OSBPL3: variants seen among roughly 807,000 people sequenced by gnomAD.
OSBPL3 encodes the protein oxysterol-binding protein-related protein 3.
OSBPL3 carries 65 observed loss-of-function variants against 120.1 expected under a neutral mutation model. The ratio of observed to expected loss-of-function variants is 0.54; its 90% CI spans 0.44 to 0.67. The LOEUF (loss-of-function observed/expected upper bound fraction) is 0.67, where lower values mean the gene tolerates loss of function less well. Among genes scored for constraint, OSBPL3 ranks in the 30% least tolerant of loss-of-function variants. The pLI is 0.00. For synonymous variants in OSBPL3, 416 were observed against 402.6 expected, an observed-to-expected ratio of 1.03 and a Z score of -0.40; for missense variants, 1,004 against 1,082.1, an observed-to-expected ratio of 0.93 and a Z score of 1.01.
chr7:24,935,315 G>A (rs1812278613), intron 1 of OSBPL3, among the ~76,000 whole-genome samples: 1 of 152,152 alleles, frequency 6.6e-6, no homozygotes, highest in African/African-American at 2.4e-5. Context: ...ACTACAATTA[G>A]GCTACACAGT....
intron 2 of OSBPL3, among the ~76,000 whole-genome samples, chr7:24,884,567 A>C (rs1209091511): frequency 6.6e-6 from 1 of 152,162 alleles, no homozygotes; most frequent in African/African-American, 2.4e-5. Context: ...TCCCAGCTGA[A>C]AAGATGAAGC....
In OSBPL3 at chr7:24,806,666, T is replaced by A; in HGVS notation, c.2444+110A>T. The A allele has an allele frequency of 2.1e-6, 2 of 965,826 alleles. No individual in the cohort carries two copies. The highest frequency in any genetic ancestry group is 2.4e-5 in the Admixed American group (1 of 40,964). The allele number at this position is 965,826 out of a possible 1,614,324, so 59.8% of individuals were successfully genotyped here. ...AGCATCCCCACCTCTCAATTCCTGA[T>A]GACATTTTCCACCTTTCTCAGGTGC... On this transcript the variant is annotated intron_variant, in intron 21 of 22. Transcript: ENST00000313367. The surrounding 1 kb of genome is among the most constrained non-coding windows in gnomAD (Gnocchi z 5.2).
chr7:24,909,333 T>A (rs2128411159), intron 1 of OSBPL3, among the ~76,000 whole-genome samples: 1 of 152,286 alleles, frequency 6.6e-6, no homozygotes, highest in South Asian at 2.1e-4. Flanking sequence ...GCCAATGAGA[T>A]GTGAGCAGAG....
intron 5 of OSBPL3, 72 bp from the exon 6 acceptor site, chr7:24,866,309 G>T: frequency 9.0e-7 from 1 of 1,113,614 alleles, no homozygotes; most frequent in South Asian, 1.3e-5. Context: ...TCATCAAATT[G>T]AGGCCACTCT....
rs1291775630 is a variant in OSBPL3 at position 24,918,497 on chromosome 7, T to C, written c.-149-25876A>G. Among the ~76,000 whole-genome samples, 1 of 152,222 alleles carries C rather than the reference T, an allele frequency of 6.6e-6. No homozygotes were observed. The highest frequency in any genetic ancestry group is 1.5e-5 in the Non-Finnish European group (1 of 68,034). The stretch of plus-strand genomic sequence containing the variant: ...CTAAGTCAGCTGGATAAACTACTCA[T>C]GAAAATCTTGTGGAAAATACCTCAT... On this transcript the variant is annotated intron_variant, in intron 1 of 22. Coordinates refer to ENST00000313367, the MANE Select transcript of OSBPL3 (RefSeq NM_015550.4). This position sits in a 1 kb window ranked among gnomAD's most constrained non-coding sequence, Gnocchi z 4.3.
In OSBPL3 at chr7:24,872,988, A is replaced by G. The variant is rs1241509759; in HGVS notation, c.97-919T>C. ...TTGGGGTACAATATACATGAAATGC[A>G]TGAATCTTAAGAGTATGCCTTGATA... On this transcript the variant is annotated intron_variant, in intron 2 of 22. Coordinates refer to ENST00000313367, the MANE Select transcript of OSBPL3 (RefSeq NM_015550.4). The surrounding 1 kb of genome is among the most constrained non-coding windows in gnomAD (Gnocchi z 4.1). Among the ~76,000 whole-genome samples, 1 of 152,208 alleles carries G rather than the reference A, an allele frequency of 6.6e-6. No homozygotes were observed. The highest frequency in any genetic ancestry group is 1.5e-5 in the Non-Finnish European group (1 of 68,034).
chr7:24,929,432 T>G (rs948219929), intron 1 of OSBPL3, among the ~76,000 whole-genome samples: 12 of 152,208 alleles, frequency 7.9e-5, no homozygotes, highest in African/African-American at 2.9e-4. Context: ...AAATGAGGCT[T>G]AAATTCTTGT....
intron 19 of OSBPL3, among the ~76,000 whole-genome samples, chr7:24,811,735 A>C (rs1296205962): frequency 4.6e-5 from 7 of 152,212 alleles, no homozygotes; most frequent in Non-Finnish European, 7.3e-5. Context: ...AGGTTTTCCA[A>C]CACCATTTAT....
At position 24,873,368 on chromosome 7, in the gene OSBPL3, C is replaced by T. The variant is rs965850495; in HGVS notation, c.97-1299G>A. On this transcript the variant is annotated intron_variant, in intron 2 of 22. Coordinates refer to ENST00000313367, the MANE Select transcript of OSBPL3 (RefSeq NM_015550.4). The surrounding 1 kb of genome is among the most constrained non-coding windows in gnomAD (Gnocchi z 4.1). ...CTCAAGTTCAATACGTGGGACCCAC[C>T]TGGTAATGAGAACCCTTTCCTACGT... Among the ~76,000 whole-genome samples, 7 of 152,192 alleles carry T rather than the reference C, an allele frequency of 4.6e-5. No individual in the cohort carries two copies. The highest frequency in any genetic ancestry group is 1.7e-4 in the African/African-American group (7 of 41,446).
In OSBPL3 at chr7:24,819,089, C is replaced by T. The variant is rs1352472790; in HGVS notation, c.1948+1086G>A. ...CCAACATGGTGAAACCCCATCTCTA[C>T]TAAAAATACAAAAATTAGCTGGGCA... On this transcript the variant is annotated intron_variant, in intron 17 of 22. Coordinates refer to ENST00000313367, the MANE Select transcript of OSBPL3 (RefSeq NM_015550.4). The surrounding 1 kb of genome is among the most constrained non-coding windows in gnomAD (Gnocchi z 4.1). 6.6e-6 allele frequency among the ~76,000 whole-genome samples: 1 copy of T among 151,986 alleles called. No homozygotes were observed. Among genetic ancestry groups the T allele is most frequent in the East Asian group, 1.9e-4 (1 of 5,192 alleles).
At chr7:24,905,012 A>G (rs1165965924) in intron 1 of OSBPL3, among the ~76,000 whole-genome samples, 1 of 150,848 alleles carries the variant, frequency 6.6e-6, no homozygotes. Flanking sequence ...CATAATCAGG[A>G]GTGTTGCACA....
chr7:24,809,258 G>A (rs951174976), intron 20 of OSBPL3, among the ~76,000 whole-genome samples: 23 of 152,202 alleles, frequency 1.5e-4, no homozygotes, highest in African/African-American at 4.3e-4. Flanking sequence ...GATGGAATAA[G>A]ATGTTAAAGT....
At chr7:24,957,020 G>A (rs1815145146) in intron 1 of OSBPL3, among the ~76,000 whole-genome samples, 1 of 152,130 alleles carries the variant, frequency 6.6e-6, no homozygotes, top group Non-Finnish European at 1.5e-5. Flanking sequence ...AATAAGTCAT[G>A]CTATCTGCCT....
chr7:24,890,497 G>A (rs1223771649), intron 2 of OSBPL3, among the ~76,000 whole-genome samples: 1 of 152,086 alleles, frequency 6.6e-6, no homozygotes, highest in Non-Finnish European at 1.5e-5. Flanking sequence ...GGGCCAAGGT[G>A]GACCCCGTGG....
In OSBPL3 at chr7:24,955,286, A is replaced by C. The variant is rs1814903953; in HGVS notation, c.-150+24600T>G. Among the ~76,000 whole-genome samples the C allele has an allele frequency of 6.6e-6, 1 of 152,258 alleles. No individual in the cohort carries two copies. The highest frequency in any genetic ancestry group is 1.5e-5 in the Non-Finnish European group (1 of 68,046). On this transcript the variant is annotated intron_variant, in intron 1 of 22. Transcript: ENST00000313367. The surrounding 1 kb of genome is among the most constrained non-coding windows in gnomAD (Gnocchi z 4.3). ...TTCCCCACCAACAAGGAAGAAAGCA[A>C]ACTTTTCCCATAATGAGTTTGGGGG...
chr7:24,859,832 A>G (rs1191008865), intron 10 of OSBPL3, among the ~76,000 whole-genome samples: 2 of 152,200 alleles, frequency 1.3e-5, no homozygotes, highest in Non-Finnish European at 2.9e-5. Flanking sequence ...AGCTCTCATT[A>G]TTATTATTAG....
rs117246939 is a variant in OSBPL3 at position 24,893,942 on chromosome 7, T to C, written c.-149-1321A>G. 4.7e-3 allele frequency among the ~76,000 whole-genome samples: 715 copies of C among 152,264 alleles called. 5 individuals carry two copies. Among genetic ancestry groups the C allele is most frequent in the South Asian group, 0.038 (181 of 4,820 alleles). ...ATTTAACACACTAAGTTCAAGTAAATTCTACAGCTTTCCTAAGCAGGTTAA... is the reference window on the plus strand; with the variant it reads ...ATTTAACACACTAAGTTCAAGTAAACTCTACAGCTTTCCTAAGCAGGTTAA... On this transcript the variant is annotated intron_variant, in intron 1 of 22. Transcript: ENST00000313367.
Position 24,930,505 on chromosome 7 carries a change from G to A in OSBPL3, c.-149-37884C>T, listed in dbSNP as rs1811655383. Reference sequence around the variant, plus strand: ...AAAAAAGACACAGGTTTCAGTGGGAGGTCTATTTCAATAGGAATGGGGGAC... The same window carrying A: ...AAAAAAGACACAGGTTTCAGTGGGAAGTCTATTTCAATAGGAATGGGGGAC... On this transcript the variant is annotated intron_variant, in intron 1 of 22. Coordinates refer to ENST00000313367, the MANE Select transcript of OSBPL3 (RefSeq NM_015550.4). The surrounding 1 kb of genome is among the most constrained non-coding windows in gnomAD (Gnocchi z 4.4). Among the ~76,000 whole-genome samples the A allele has an allele frequency of 6.6e-6, 1 of 152,076 alleles. No homozygotes were observed. Among genetic ancestry groups the A allele is most frequent in the Non-Finnish European group, 1.5e-5 (1 of 68,008 alleles).
In OSBPL3 at chr7:24,892,426, G is replaced by A; in HGVS notation, c.47C>T (p.Ser16Leu). 1 of 1,613,702 alleles carries A rather than the reference G, an allele frequency of 6.2e-7. No individual in the cohort carries two copies. Among genetic ancestry groups the A allele is most frequent in the Admixed American group, 1.7e-5 (1 of 60,016 alleles). The change falls in exon 2 of 23, where the codon TCA becomes TTA. Residue 16 changes from serine (S) to leucine (L), a missense_variant. Transcript: ENST00000313367. ...GCAGCTACTTGTGCTCCTTGAAGGTGATACCAATTTTTGGGACACACCAAG... is the reference window on the plus strand; with the variant it reads ...GCAGCTACTTGTGCTCCTTGAAGGTAATACCAATTTTTGGGACACACCAAG... ...KNLGVSQKLV[S>L]PSRSTSSCSS...
Sources: gnomAD v4.1 joint callset for allele counts (sites outside exome capture counted in the v4.1 genomes callset) on GRCh38, gnomAD v4.1.1 for gene constraint, Gnocchi (gnomAD v3.1) non-coding constraint, MANE v1.5 for transcripts, NCBI Gene and HGNC (gene_info 2026-07-23, HGNC 2026-07-21) for gene names.